ZNF276: variants seen among roughly 807,000 people sequenced by gnomAD.
ZNF276 encodes the protein zinc finger protein 276.
In ZNF276, 59 loss-of-function variants were observed where a neutral mutation model predicts 63.9. That is an observed-to-expected ratio of 0.92 (90% CI 0.75 to 1.15). The LOEUF (loss-of-function observed/expected upper bound fraction) is 1.15. Among genes scored for constraint, ZNF276 ranks in the 50% most tolerant of loss-of-function variants. The pLI, the probability that ZNF276 is intolerant of heterozygous loss-of-function variation, is 0.00. For synonymous variants in ZNF276, 496 were observed against 348.4 expected (o/e 1.42, Z -4.72); for missense variants, 1,084 against 843.8 (o/e 1.28, Z -3.53).
At chr16:89,722,889 G>C (rs763194515) in intron 2 of ZNF276, 55 bp downstream of exon 2, 2 of 1,571,600 alleles carry the variant, frequency 1.3e-6, no homozygotes, top group Non-Finnish European at 1.7e-6. Context: ...CAGTGTGACG[G>C]GTGTTGAGAG....
chr16:89,734,389 C>T lies in ZNF276; in HGVS notation c.1474+351C>T, dbSNP rs1354431037. 2.0e-5 allele frequency among the ~76,000 whole-genome samples: 3 copies of T among 152,072 alleles called. 1 individual carries two copies. Among genetic ancestry groups the T allele is most frequent in the South Asian group, 4.1e-4 (2 of 4,830 alleles). On this transcript the variant is annotated intron_variant, in intron 9 of 10. Coordinates refer to ENST00000443381, the MANE Select transcript of ZNF276 (RefSeq NM_001113525.2). ...TGCCCAGGCTGGAGTGCAGTGGCAC[C>T]ATCTTGGCTCACCACAACCTCTGCC...
chr16:89,736,039 TG>T (rs1225202899), intron 9 of ZNF276, among the ~76,000 whole-genome samples: 1 of 151,444 alleles, frequency 6.6e-6, no homozygotes, highest in Non-Finnish European at 1.5e-5. Context: ...CTACAGGTGC[TG>T]GCCACCACAC....
intron 6 of ZNF276, among the ~76,000 whole-genome samples, 189 bp downstream of exon 6, chr16:89,729,507 T>TGG (rs903667658): frequency 2.7e-4 from 41 of 149,936 alleles, no homozygotes; most frequent in East Asian, 2.4e-3. Flanking sequence ...GGTGAGAAGG[T>TGG]GGGTCCTCCT....
At chr16:89,737,944 C>T (rs756514805) in intron 10 of ZNF276, 32 bp from the exon 11 acceptor site, 21 of 1,613,830 alleles carry the variant, frequency 1.3e-5, no homozygotes, top group Admixed American at 1.0e-4. Context: ...GGCTGTGGCC[C>T]TCGCACCTTC....
rs200968080 is a variant in ZNF276 at position 89,722,598 on chromosome 16, G to C, written c.273G>C (p.Leu91=). The change falls in exon 2 of 11, where the codon CTG becomes CTC. Residue 91 remains leucine (L), a synonymous_variant. Coordinates refer to ENST00000443381, the MANE Select transcript of ZNF276 (RefSeq NM_001113525.2). ...LCHGKFSSRS[L]RSISERAPGA... is the part of the protein sequence containing the mutation. ...ACGGGAAGTTTTCCTCGAGAAGCCT[G>C]CGCAGCATCTCCGAGAGGGCGCCTG... 1.9e-6 allele frequency: 3 copies of C among 1,612,120 alleles called. No individual in the cohort carries two copies. The highest frequency in any genetic ancestry group is 2.5e-6 in the Non-Finnish European group (3 of 1,180,024).
Position 89,740,146 on chromosome 16 carries a change from C to T in ZNF276, c.*1900C>T. 1.4e-6 allele frequency: 2 copies of T among 1,478,664 alleles called. No homozygotes were observed. Among genetic ancestry groups the T allele is most frequent in the Non-Finnish European group, 1.9e-6 (2 of 1,057,706 alleles). 91.6% of individuals were successfully genotyped at this position (1,478,664 alleles called of 1,614,324 possible). A position where few individuals can be genotyped will look rare whatever the true frequency, so the allele number is the denominator to read the frequency against. On this transcript the variant is annotated 3_prime_UTR_variant, in exon 11 of 11. Coordinates refer to ENST00000443381, the MANE Select transcript of ZNF276 (RefSeq NM_001113525.2). ...CCCTGAGAATGGCCGACCTGGTGCTCCCATGGGTAGGAGGGTACAGCCCTC... is the reference window on the plus strand; with the variant it reads ...CCCTGAGAATGGCCGACCTGGTGCTTCCATGGGTAGGAGGGTACAGCCCTC...
At position 89,739,429 on chromosome 16, in the gene ZNF276, G is replaced by A; in HGVS notation, c.*1183G>A. 1 of 1,552,560 alleles carries A rather than the reference G, an allele frequency of 6.4e-7. No individual in the cohort carries two copies. Among genetic ancestry groups the A allele is most frequent in the Non-Finnish European group, 8.7e-7 (1 of 1,146,174 alleles). Reference sequence around the variant, plus strand: ...CGGGACCCAGAGGTGCTGAGATGGGGGTCTGGGAAACACTGCCCAGCCCTG... The same window carrying A: ...CGGGACCCAGAGGTGCTGAGATGGGAGTCTGGGAAACACTGCCCAGCCCTG... On this transcript the variant is annotated 3_prime_UTR_variant, in exon 11 of 11. Transcript: ENST00000443381.
rs975923448 is a variant in ZNF276 at position 89,738,326 on chromosome 16, C to T, written c.*80C>T. 2 of 1,510,806 alleles carry T rather than the reference C, an allele frequency of 1.3e-6. No homozygotes were observed. The highest frequency in any genetic ancestry group is 1.4e-5 in the African/African-American group (1 of 72,574). The allele number at this position is 1,510,806 out of a possible 1,614,324, so 93.6% of individuals were successfully genotyped here. A position where few individuals can be genotyped will look rare whatever the true frequency, so the allele number is the denominator to read the frequency against. On this transcript the variant is annotated 3_prime_UTR_variant, in exon 11 of 11. Transcript: ENST00000443381. ...CAGCCTCACCCTTCGTGTGCACCCGCATGGGAGGGTCGGAGGGTGCTGCCC... is the reference window on the plus strand; with the variant it reads ...CAGCCTCACCCTTCGTGTGCACCCGTATGGGAGGGTCGGAGGGTGCTGCCC...
chr16:89,727,551 C>T lies in ZNF276; in HGVS notation c.1085+194C>T, dbSNP rs1418353079. ...ATCACAGGGGCCGGCTGTCCGTGCC[C>T]TGGTTGGGACACGCCTCCTCTCGAG... On this transcript the variant is annotated intron_variant, in intron 5 of 10. Coordinates refer to ENST00000443381, the MANE Select transcript of ZNF276 (RefSeq NM_001113525.2). Among the ~76,000 whole-genome samples, 3 of 152,186 alleles carry T rather than the reference C, an allele frequency of 2.0e-5. No homozygotes were observed. The South Asian group carries it at 6.2e-4, about 32-fold the overall frequency.
chr16:89,738,430 G>A lies in ZNF276; in HGVS notation c.*184G>A, dbSNP rs1276356562. The A allele has an allele frequency of 1.3e-5, 18 of 1,374,168 alleles. No individual in the cohort carries two copies. The highest frequency in any genetic ancestry group is 7.5e-5 in the East Asian group (3 of 39,974). 85.1% of individuals were successfully genotyped at this position (1,374,168 alleles called of 1,614,324 possible). A position where few individuals can be genotyped will look rare whatever the true frequency, so the allele number is the denominator to read the frequency against. ...TCTGGGACCAGTGGTTTATTTTCCC[G>A]CAAACGCTGAGTGACTCGGGGCCGG... On this transcript the variant is annotated 3_prime_UTR_variant, in exon 11 of 11. Transcript: ENST00000443381.
rs1238197027 is a variant in ZNF276, at chr16:89,738,218, G to A, written c.1817G>A (p.Gly606Asp). The change falls in exon 11 of 11, where the codon GGC becomes GAC. Residue 606 changes from glycine to aspartate, a missense_variant. By Grantham distance (94) the Gly-to-Asp change is moderately conservative. Coordinates refer to ENST00000443381, the MANE Select transcript of ZNF276 (RefSeq NM_001113525.2). ...CCGAGCCCCTCTGTGACCACAGAGG[G>A]CCAGGCGGTGAAGCCCGAACCCACC... ...GPPSPSVTTE[G>D]QAVKPEPT The A allele has an allele frequency of 1.9e-6, 3 of 1,609,038 alleles. No homozygotes were observed. The Admixed American group carries it at 5.1e-5, about 27-fold the overall frequency.
chr16:89,723,144 G>T lies in ZNF276; in HGVS notation c.517G>T (p.Ala173Ser), dbSNP rs780337824. The change falls in exon 3 of 11, where the codon GCC (alanine) becomes TCC (serine). Residue 173 changes from alanine (A) to serine (S), a missense_variant. By Grantham distance (99) the Ala-to-Ser change is moderately conservative (BLOSUM62 1). Coordinates refer to ENST00000443381, the MANE Select transcript of ZNF276 (RefSeq NM_001113525.2). ...CACACTGATCCTTTGCAGGGTCGGT[G>T]CCCAGCCCCCAACAGGGGCAGAGGA... Reference protein sequence around the residue: ...GRRKPCAKVGAQPPTGAEEGA... With the variant: ...GRRKPCAKVGSQPPTGAEEGA... The T allele has an allele frequency of 3.7e-6, 6 of 1,613,092 alleles. No individual in the cohort carries two copies. The highest frequency in any genetic ancestry group is 5.1e-6 in the Non-Finnish European group (6 of 1,180,042).
chr16:89,737,765 G>A (rs377568154), intron 9 of ZNF276, 41 bp from the exon 10 acceptor site: 1 of 1,611,642 alleles, frequency 6.2e-7, no homozygotes, highest in Non-Finnish European at 8.5e-7. Context: ...CGGGAGGTTG[G>A]AGCATCAGGG....
rs761896034 is a variant in ZNF276 at position 89,738,760 on chromosome 16, C to G, written c.*514C>G. On this transcript the variant is annotated 3_prime_UTR_variant, in exon 11 of 11. Transcript: ENST00000443381. ...CCATGCCGCCCACTAGGCCTCAGAC[C>G]ACAGGGGAGGGGCTCTGGCAGAAAT... is the stretch of plus-strand genomic sequence containing the variant. 6 of 1,612,584 alleles carry G rather than the reference C, an allele frequency of 3.7e-6. No individual in the cohort carries two copies. Among genetic ancestry groups the G allele is most frequent in the Non-Finnish European group, 5.1e-6 (6 of 1,179,366 alleles).
At position 89,733,938 on chromosome 16, in the gene ZNF276, C is replaced by T; in HGVS notation, c.1374C>T (p.His458=). 6.2e-7 allele frequency: 1 copy of T among 1,613,892 alleles called. No individual in the cohort carries two copies. The highest frequency in any genetic ancestry group is 8.5e-7 in the Non-Finnish European group (1 of 1,179,998). The change falls in exon 9 of 11, where the codon CAC becomes CAT. Residue 458 remains histidine (H), a synonymous_variant. Transcript: ENST00000443381. ...ADGMKKHIKE[H]HEEVRERPCP... ...TCCTTCAGAAGCACATCAAGGAGCA[C>T]CACGAGGAGGTCCGGGAGCGGCCCT...
chr16:89,729,211 T>A (rs1362766111), intron 5 of ZNF276, 24 bp from the exon 6 acceptor site: 1 of 1,611,234 alleles, frequency 6.2e-7, no homozygotes, highest in African/African-American at 1.3e-5. Context: ...AGGGCTTTGC[T>A]GAAGATTCTC....
At chr16:89,730,388 C>T (rs182021968) in intron 6 of ZNF276, among the ~76,000 whole-genome samples, 1 of 152,276 alleles carries the variant, frequency 6.6e-6, no homozygotes, top group East Asian at 1.9e-4. Flanking sequence ...GAATGTGTCT[C>T]TGGCTTGCTG....
chr16:89,733,027 C>A (rs1324895544), intron 6 of ZNF276: 1 of 456,728 alleles, frequency 2.2e-6, no homozygotes, highest in East Asian at 4.4e-5. Context: ...GCTGTGTTTG[C>A]CCTGACCCTG....
intron 6 of ZNF276, among the ~76,000 whole-genome samples, chr16:89,730,173 C>T (rs190391690): frequency 1.8e-3 from 274 of 152,282 alleles, no homozygotes; most frequent in Admixed American, 5.7e-3. Context: ...GAGAGAGATG[C>T]GAAGCAGAGG....
Sources: allele counts gnomAD v4.1 joint callset (sites outside exome capture counted in the v4.1 genomes callset), GRCh38; gene constraint gnomAD v4.1.1; transcripts MANE v1.5; gene names NCBI Gene and HGNC (gene_info 2026-07-23, HGNC 2026-07-21).